The following LOC128462377 variants were observed in gnomAD, a reference collection of about 807,000 sequenced individuals.
chr16:89,356,279 T>C, the LOC128462377 span, among the ~76,000 whole-genome samples: 8 of 151,758 alleles, frequency 5.3e-5, no homozygotes, highest in African/African-American at 1.9e-4. Flanking sequence ...GACATCTTTG[T>C]CAAGGGAGTA....
At chr16:89,352,105 G>T in the LOC128462377 span, among the ~76,000 whole-genome samples, 2 of 152,062 alleles carry the variant, frequency 1.3e-5, no homozygotes, top group African/African-American at 4.8e-5. Flanking sequence ...TGGTCAGATT[G>T]GTCTCAAACT....
At chr16:89,341,691 C>G in the LOC128462377 span, among the ~76,000 whole-genome samples, 2 of 152,386 alleles carry the variant, frequency 1.3e-5, no homozygotes, top group Admixed American at 6.5e-5. Flanking sequence ...CCCTCACACA[C>G]CTATTCATCT....
chr16:89,395,436 G>A, the LOC128462377 span, among the ~76,000 whole-genome samples: 2 of 152,240 alleles, frequency 1.3e-5, no homozygotes, highest in African/African-American at 2.4e-5. Context: ...AGGAGACAGC[G>A]CTGGGATGCC....
At chr16:89,324,554 G>C in the LOC128462377 span, 8 of 455,656 alleles carry the variant, frequency 1.8e-5, no homozygotes, top group Admixed American at 1.9e-4. Context: ...GACGGGGAGA[G>C]GCCGACGAAC....
At chr16:89,320,694 G>A in the LOC128462377 span, among the ~76,000 whole-genome samples, 1 of 152,212 alleles carries the variant, frequency 6.6e-6, no homozygotes, top group Non-Finnish European at 1.5e-5. Flanking sequence ...GTGGGCTCAG[G>A]GAACTTGCCC....
At chr16:89,336,924 C>G in the LOC128462377 span, among the ~76,000 whole-genome samples, 2 of 145,792 alleles carry the variant, frequency 1.4e-5, no homozygotes, top group Non-Finnish European at 3.0e-5. Context: ...AATCCTAGCA[C>G]TTTAGGAGGC....
At chr16:89,332,398 G>A in the LOC128462377 span, among the ~76,000 whole-genome samples, 1 of 152,158 alleles carries the variant, frequency 6.6e-6, no homozygotes. Context: ...CCAAGTCCCC[G>A]AGGACAGAGA....
the LOC128462377 span, among the ~76,000 whole-genome samples, chr16:89,410,167 G>A: frequency 2.0e-5 from 3 of 152,138 alleles, no homozygotes; most frequent in African/African-American, 7.2e-5. Flanking sequence ...ACAGTTTGCT[G>A]TTCAGCTACA....
At chr16:89,408,195 C>G in the LOC128462377 span, among the ~76,000 whole-genome samples, 1 of 152,190 alleles carries the variant, frequency 6.6e-6, no homozygotes, top group East Asian at 1.9e-4. Context: ...CATACAGATA[C>G]TCGGCCAAGA....
the LOC128462377 span, chr16:89,360,643 G>A: frequency 3.3e-5 from 5 of 152,174 alleles, no homozygotes; most frequent in African/African-American, 1.2e-4. Flanking sequence ...GAAATTCATG[G>A]TATGTTCGGA....
chr16:89,342,478 C>T, the LOC128462377 span, among the ~76,000 whole-genome samples: 141 of 152,346 alleles, frequency 9.3e-4, no homozygotes, highest in African/African-American at 2.9e-3. Context: ...CAAGGCAAAG[C>T]GTGAGGAGGA....
At chr16:89,334,244 G>C in the LOC128462377 span, among the ~76,000 whole-genome samples, 399 of 150,936 alleles carry the variant, frequency 2.6e-3, 2 homozygotes, top group African/African-American at 8.7e-3. Context: ...CTGATGCCTG[G>C]CCTAGCCCTC....
At chr16:89,321,420 GGGGCGGGGCCTGCA>G in the LOC128462377 span, among the ~76,000 whole-genome samples, 1 of 150,590 alleles carries the variant, frequency 6.6e-6, no homozygotes, top group African/African-American at 2.4e-5. Flanking sequence ...AGGGGACTGT[GGGGCGGGGCCTGCA>G]GGGCAGGGTG....
the LOC128462377 span, among the ~76,000 whole-genome samples, chr16:89,384,879 C>CTTTCTTTTTTT: frequency 2.0e-5 from 1 of 49,910 alleles, no homozygotes; most frequent in African/African-American, 7.9e-5. Flanking sequence ...AAATAGTTTT[C>CTTTCTTTTTTT]TTTTTTTTTT....
the LOC128462377 span, among the ~76,000 whole-genome samples, chr16:89,395,094 A>C: frequency 9.5e-4 from 144 of 152,368 alleles, no homozygotes; most frequent in African/African-American, 3.2e-3. Context: ...CCAAGTGACC[A>C]GGCTGAAGCA....
At chr16:89,348,513 A>G in the LOC128462377 span, among the ~76,000 whole-genome samples, 6 of 152,312 alleles carry the variant, frequency 3.9e-5, no homozygotes, top group East Asian at 5.8e-4. Context: ...GGGCTTCTAT[A>G]TAACTGACTT....
chr16:89,371,393 G>A, the LOC128462377 span, among the ~76,000 whole-genome samples: 1 of 152,184 alleles, frequency 6.6e-6, no homozygotes, highest in Non-Finnish European at 1.5e-5. Flanking sequence ...TTTAAATCAA[G>A]TCATTCCCTG....
At chr16:89,350,452 A>AT in the LOC128462377 span, among the ~76,000 whole-genome samples, 3 of 152,206 alleles carry the variant, frequency 2.0e-5, no homozygotes, top group Non-Finnish European at 2.9e-5. Flanking sequence ...AACATGCGAC[A>AT]TATCTACCCC....
At chr16:89,371,522 C>A in the LOC128462377 span, among the ~76,000 whole-genome samples, 1 of 152,318 alleles carries the variant, frequency 6.6e-6, no homozygotes, top group Non-Finnish European at 1.5e-5. Flanking sequence ...GCACCACCCA[C>A]AGATGAGTTC....
Sources: gnomAD v4.1 joint callset for allele counts (sites outside exome capture counted in the v4.1 genomes callset) on GRCh38, gnomAD v4.1.1 for gene constraint, MANE v1.5 for transcripts.